Variants in LAMA3 observed in about 807,000 individuals in gnomAD.
The protein encoded by LAMA3 is laminin subunit alpha-3.
Under a neutral mutation model 402.0 loss-of-function variants are expected in LAMA3, and 281 were observed. The observed-to-expected ratio is 0.70, with a 90% CI of 0.63 to 0.77. The LOEUF is 0.77. Ranked by LOEUF, LAMA3 falls within the 30% of genes least tolerant of loss-of-function variation. The pLI is 0.00. For missense variants in LAMA3, 3,840 were observed against 4,215.5 expected, an observed-to-expected ratio of 0.91 and a Z score of 2.47; for synonymous variants, 1,431 against 1,558.4, an observed-to-expected ratio of 0.92 and a Z score of 1.93.
At chr18:23,743,070 C>T (rs758483475) in intron 2 of LAMA3, among the ~76,000 whole-genome samples, 16 of 152,126 alleles carry the variant, frequency 1.1e-4, no homozygotes, top group Non-Finnish European at 1.8e-4. Flanking sequence ...GTGATTAAGA[C>T]CAAAGATGGT....
At chr18:23,938,518 G>A (rs933850154) in intron 67 of LAMA3, among the ~76,000 whole-genome samples, 1 of 152,160 alleles carries the variant, frequency 6.6e-6, no homozygotes, top group Non-Finnish European at 1.5e-5. Flanking sequence ...GTGGAAGTGG[G>A]GACAGGATGT....
chr18:23,800,417 A>C (rs1291745191), intron 12 of LAMA3, among the ~76,000 whole-genome samples: 3 of 152,218 alleles, frequency 2.0e-5, no homozygotes, highest in Admixed American at 1.3e-4. Flanking sequence ...GTTGACACAT[A>C]ATAATTGTAC....
chr18:23,839,823 C>A lies in LAMA3; in HGVS notation c.3230C>A (p.Thr1077Lys). The change falls in exon 27 of 75, where the codon ACA becomes AAA. Residue 1077 changes from threonine to lysine, a missense_variant. Thr to Lys is a moderately conservative substitution (Grantham distance 78). Coordinates refer to ENST00000313654, the MANE Select transcript of LAMA3 (RefSeq NM_198129.4). This position sits in a 1 kb window ranked among gnomAD's most constrained non-coding sequence, Gnocchi z 4.5. Reference protein sequence around the residue: ...CVSLAHETPPTALILDVLSGR... With the variant: ...CVSLAHETPPKALILDVLSGR... ...TCCTTGGCCCATGAAACTCCTCCAA[C>A]AGCATTAATTTTGGATGTTCTAAGT... is the stretch of plus-strand genomic sequence containing the variant. 1 of 1,614,082 alleles carries A rather than the reference C, an allele frequency of 6.2e-7. No individual in the cohort carries two copies. The highest frequency in any genetic ancestry group is 1.3e-5 in the African/African-American group (1 of 75,062).
At chr18:23,847,715 G>A (rs373425622) in intron 32 of LAMA3, 47 bp downstream of exon 32, 86 of 1,562,616 alleles carry the variant, frequency 5.5e-5, no homozygotes, top group Middle Eastern at 4.0e-4. Context: ...GGGAGGTCGC[G>A]TGCCATCTGC....
intron 34 of LAMA3, among the ~76,000 whole-genome samples, chr18:23,859,430 T>A (rs2064162657): frequency 6.6e-6 from 1 of 152,254 alleles, no homozygotes; most frequent in African/African-American, 2.4e-5. Flanking sequence ...CCACTTCAGA[T>A]GCCAGTTGCA....
In LAMA3 at chr18:23,839,117, TG is replaced by T. The variant is rs1291018670; in HGVS notation, c.3191+241del. ...CCAGGGAAATGGTTAAGCCTACCCC[TG>T]GAGGGCAGGAACGCTGAGTTCTATT... is the stretch of plus-strand genomic sequence containing the variant. On this transcript the variant is annotated intron_variant, in intron 26 of 74. Coordinates refer to ENST00000313654, the MANE Select transcript of LAMA3 (RefSeq NM_198129.4). This position sits in a 1 kb window ranked among gnomAD's most constrained non-coding sequence, Gnocchi z 4.5. Among the ~76,000 whole-genome samples the T allele has an allele frequency of 2.0e-5, 3 of 152,234 alleles. No homozygotes were observed. Among genetic ancestry groups the T allele is most frequent in the African/African-American group, 7.2e-5 (3 of 41,450 alleles).
chr18:23,733,163 C>T (rs2061420129), intron 2 of LAMA3, among the ~76,000 whole-genome samples: 1 of 152,056 alleles, frequency 6.6e-6, no homozygotes, highest in Non-Finnish European at 1.5e-5. Flanking sequence ...TCACATGCTT[C>T]TTGGAGAGTC....
chr18:23,899,112 C>T (rs761630373), intron 46 of LAMA3, 47 bp downstream of exon 46: 6 of 1,434,106 alleles, frequency 4.2e-6, no homozygotes, highest in East Asian at 2.3e-5. Flanking sequence ...GGTTACATAA[C>T]CTTCATTGTA....
chr18:23,768,564 C>T (rs1034984046), intron 8 of LAMA3, among the ~76,000 whole-genome samples: 7 of 152,194 alleles, frequency 4.6e-5, no homozygotes, highest in Admixed American at 1.3e-4. Flanking sequence ...ATTATTTTAG[C>T]CACTATGGAA....
In LAMA3 at chr18:23,915,198, T is replaced by C. The variant is rs891880566; in HGVS notation, c.7645-91T>C. On this transcript the variant is annotated intron_variant, in intron 58 of 74. Coordinates refer to ENST00000313654, the MANE Select transcript of LAMA3 (RefSeq NM_198129.4). ...GGTTCACATTCTTAATTAACCCTTA[T>C]GCCATAGTGACTGTTAAAAGTGATT... 14 of 1,393,634 alleles carry C rather than the reference T, an allele frequency of 1.0e-5. No individual in the cohort carries two copies. The South Asian group carries it at 1.4e-4, about 14-fold the overall frequency. 86.3% of individuals were successfully genotyped at this position (1,393,634 alleles called of 1,614,324 possible).
chr18:23,852,624 G>T (rs966975828), intron 32 of LAMA3, among the ~76,000 whole-genome samples: 4 of 152,174 alleles, frequency 2.6e-5, no homozygotes, highest in African/African-American at 9.6e-5. Flanking sequence ...AACCAAGAGT[G>T]ACAGTGCAGC....
At chr18:23,928,802 A>G (rs995081282) in intron 64 of LAMA3, 37 bp downstream of exon 64, 1 of 1,588,234 alleles carries the variant, frequency 6.3e-7, no homozygotes, top group East Asian at 2.2e-5. Flanking sequence ...CAAGATTTAA[A>G]CCTGACTCAA....
chr18:23,901,314 A>G lies in LAMA3; in HGVS notation c.6192A>G (p.Gly2064=). 1 of 1,613,910 alleles carries G rather than the reference A, an allele frequency of 6.2e-7. No individual in the cohort carries two copies. Among genetic ancestry groups the G allele is most frequent in the Non-Finnish European group, 8.5e-7 (1 of 1,179,910 alleles). ...GLNQENERAL[G]AIQRQVKEIN... ...ACCAAGAAAACGAGAGAGCTTTGGG[A>G]GCCATTCAGGTGAGTTCACAGTTTG... The change falls in exon 48 of 75, where the codon GGA becomes GGG. Residue 2064 remains glycine, a synonymous_variant. Coordinates refer to ENST00000313654, the MANE Select transcript of LAMA3 (RefSeq NM_198129.4).
In LAMA3 at chr18:23,916,544, T is replaced by C. The variant is rs375141691; in HGVS notation, c.7779-7T>C. 6.2e-6 allele frequency: 10 copies of C among 1,613,954 alleles called. No homozygotes were observed. Among genetic ancestry groups the C allele is most frequent in the Admixed American group, 1.7e-5 (1 of 60,000 alleles). ...GTGTTCTAATTTATGATGATTAATG[T>C]TGACAGGAGGAAGGAAGAGTCAGAC... On this transcript the variant is annotated splice_region_variant and splice_polypyrimidine_tract_variant and intron_variant, in intron 59 of 74. Transcript: ENST00000313654.
Position 23,915,953 on chromosome 18 carries a change from C to A in LAMA3, c.7778+531C>A, listed in dbSNP as rs1034649766. Among the ~76,000 whole-genome samples, 6 of 122,294 alleles carry A rather than the reference C, an allele frequency of 4.9e-5. No individual in the cohort carries two copies. The Admixed American group carries it at 5.5e-4, about 11-fold the overall frequency. 80.2% of individuals were successfully genotyped at this position (122,294 alleles called of 152,430 possible). On this transcript the variant is annotated intron_variant, in intron 59 of 74. Coordinates refer to ENST00000313654, the MANE Select transcript of LAMA3 (RefSeq NM_198129.4). ...CTCGGGAGGTCAAGGTTGCAATGAG[C>A]CAAGATCATGCCACTGCACTCCAGC... is the stretch of plus-strand genomic sequence containing the variant.
At chr18:23,741,305 T>C (rs556942165) in intron 2 of LAMA3, among the ~76,000 whole-genome samples, 129 of 152,222 alleles carry the variant, frequency 8.5e-4, no homozygotes, top group African/African-American at 3.0e-3. Flanking sequence ...GAAGTGTTCT[T>C]GCTGAACTAT....
At chr18:23,880,007 C>T (rs1722167137) in intron 39 of LAMA3, among the ~76,000 whole-genome samples, 1 of 152,198 alleles carries the variant, frequency 6.6e-6, no homozygotes, top group South Asian at 2.1e-4. Flanking sequence ...TTTAAATTGT[C>T]ATTTGGATTA....
chr18:23,697,099 T>A (rs1415638459), intron 1 of LAMA3, among the ~76,000 whole-genome samples: 2 of 152,150 alleles, frequency 1.3e-5, no homozygotes, highest in Admixed American at 1.3e-4. Context: ...TCATGGGAGA[T>A]TAAATAGGAA....
At chr18:23,931,642 CAA>C (rs1568359936) in intron 65 of LAMA3, 1 of 203,942 alleles carries the variant, frequency 4.9e-6, no homozygotes, top group Non-Finnish European at 1.0e-5. Context: ...ATGACCCTCA[CAA>C]ACATAATGTG....
Sources: gnomAD v4.1 joint callset for allele counts (sites outside exome capture counted in the v4.1 genomes callset) on GRCh38, gnomAD v4.1.1 for gene constraint, Gnocchi (gnomAD v3.1) non-coding constraint, MANE v1.5 for transcripts, NCBI Gene and HGNC (gene_info 2026-07-23, HGNC 2026-07-21) for gene names.